NDUFAF2: variants seen among roughly 807,000 people sequenced by gnomAD.
NDUFAF2 encodes the protein NADH dehydrogenase [ubiquinone] 1 alpha subcomplex assembly factor 2.
A neutral mutation model predicts 22.8 loss-of-function variants in NDUFAF2; 13 were observed. That is an observed-to-expected ratio of 0.57 (90% CI 0.37 to 0.91). The LOEUF is 0.91. Ranked by LOEUF, NDUFAF2 falls within the 40% of genes least tolerant of loss-of-function variation. The pLI, the probability that NDUFAF2 is intolerant of heterozygous loss-of-function variation, is 0.01. For synonymous variants in NDUFAF2, 53 were observed against 64.2 expected (o/e 0.83, Z 0.84); for missense variants, 162 against 195.2 (o/e 0.83, Z 1.01).
chr5:61,117,715 T>C (rs536240226), intron 3 of NDUFAF2, among the ~76,000 whole-genome samples: 1 of 152,098 alleles, frequency 6.6e-6, no homozygotes, highest in East Asian at 1.9e-4. Context: ...ACATATACAA[T>C]GATATGGATG....
intron 2 of NDUFAF2, among the ~76,000 whole-genome samples, chr5:61,083,699 T>C (rs1014480466): frequency 2.0e-5 from 3 of 151,640 alleles, no homozygotes; most frequent in African/African-American, 7.2e-5. Context: ...CTATAGATCT[T>C]GCACATGTTT....
At chr5:61,109,276 C>T (rs1752806038) in intron 3 of NDUFAF2, among the ~76,000 whole-genome samples, 1 of 152,082 alleles carries the variant, frequency 6.6e-6, no homozygotes, top group Admixed American at 6.6e-5. Context: ...TATAGAAATG[C>T]TATTGATTTT....
At chr5:61,036,267 T>G (rs534994081) in intron 1 of NDUFAF2, among the ~76,000 whole-genome samples, 30 of 152,348 alleles carry the variant, frequency 2.0e-4, no homozygotes, top group African/African-American at 7.0e-4. Context: ...TATCATAGAC[T>G]GTTAAATTAG....
chr5:61,054,864 G>A (rs1414541721), intron 1 of NDUFAF2, among the ~76,000 whole-genome samples: 1 of 152,134 alleles, frequency 6.6e-6, no homozygotes, highest in East Asian at 1.9e-4. Context: ...GTTTATGACT[G>A]GAGCTCATTG....
intron 1 of NDUFAF2, among the ~76,000 whole-genome samples, chr5:61,053,289 G>A (rs1209327864): frequency 2.0e-5 from 3 of 152,184 alleles, no homozygotes; most frequent in African/African-American, 7.2e-5. Flanking sequence ...GAGTCTGTTT[G>A]TTACTGCAGC....
intron 1 of NDUFAF2, among the ~76,000 whole-genome samples, chr5:60,971,587 T>C (rs1310022723): frequency 6.6e-6 from 1 of 151,858 alleles, no homozygotes; most frequent in African/African-American, 2.4e-5. Context: ...GCGCCCGGCA[T>C]ATCCCCTAAT....
intron 3 of NDUFAF2, among the ~76,000 whole-genome samples, chr5:61,101,181 T>C (rs1390753915): frequency 6.6e-6 from 1 of 152,082 alleles, no homozygotes; most frequent in Non-Finnish European, 1.5e-5. Context: ...AACAAAAAAA[T>C]AGCTTATTTA....
chr5:61,111,540 G>A (rs1370361741), intron 3 of NDUFAF2, among the ~76,000 whole-genome samples: 2 of 151,898 alleles, frequency 1.3e-5, no homozygotes, highest in African/African-American at 4.8e-5. Context: ...AGGCTTAAGC[G>A]ATCCTCCCAC....
At chr5:60,990,514 A>G (rs915232015) in intron 1 of NDUFAF2, among the ~76,000 whole-genome samples, 1 of 152,130 alleles carries the variant, frequency 6.6e-6, no homozygotes, top group Non-Finnish European at 1.5e-5. Flanking sequence ...GTACATTTTT[A>G]AATTATTTTA....
At chr5:60,945,490 GT>G (rs1311175557) in intron 1 of NDUFAF2, 108 bp downstream of exon 1, 15 of 1,484,446 alleles carry the variant, frequency 1.0e-5, no homozygotes, top group Non-Finnish European at 1.2e-5. Context: ...GACACTTAGG[GT>G]GTCACCGGAG....
intron 3 of NDUFAF2, among the ~76,000 whole-genome samples, chr5:61,127,504 G>C (rs2111807530): frequency 6.6e-6 from 1 of 152,102 alleles, no homozygotes; most frequent in Non-Finnish European, 1.5e-5. Flanking sequence ...ACATAATCCA[G>C]CATACAAACA....
intron 3 of NDUFAF2, among the ~76,000 whole-genome samples, chr5:61,146,604 CTT>C (rs1397526910): frequency 6.6e-6 from 1 of 152,052 alleles, no homozygotes; most frequent in Admixed American, 6.5e-5. Flanking sequence ...GTATAAGTGT[CTT>C]TTTTCCTGTG....
intron 1 of NDUFAF2, among the ~76,000 whole-genome samples, chr5:61,037,773 G>T (rs1751817620): frequency 1.3e-5 from 2 of 152,014 alleles, no homozygotes; most frequent in Admixed American, 1.3e-4. Flanking sequence ...TTTGGAAATG[G>T]TTCTATAAAT....
intron 3 of NDUFAF2, among the ~76,000 whole-genome samples, chr5:61,126,105 T>A (rs1329820301): frequency 6.6e-6 from 1 of 152,020 alleles, no homozygotes; most frequent in Non-Finnish European, 1.5e-5. Flanking sequence ...CTTTTTTATT[T>A]AAAAAAATAT....
intron 1 of NDUFAF2, among the ~76,000 whole-genome samples, chr5:61,030,514 A>G (rs927470549): frequency 2.0e-5 from 3 of 152,036 alleles, no homozygotes; most frequent in African/African-American, 7.2e-5. Flanking sequence ...TTTAGTATGG[A>G]CCACTTTTCT....
chr5:61,046,865 C>T (rs1274978219), intron 1 of NDUFAF2, among the ~76,000 whole-genome samples: 1 of 152,130 alleles, frequency 6.6e-6, no homozygotes, highest in African/African-American at 2.4e-5. Context: ...GAGGGACTCC[C>T]CATGCTTGGA....
At chr5:61,106,459 T>C (rs1036702158) in intron 3 of NDUFAF2, among the ~76,000 whole-genome samples, 14 of 151,586 alleles carry the variant, frequency 9.2e-5, no homozygotes, top group African/African-American at 2.9e-4. Context: ...TGAGATATTT[T>C]GATACGTGCA....
At chr5:60,976,454 T>C (rs931531455) in intron 1 of NDUFAF2, among the ~76,000 whole-genome samples, 2 of 152,190 alleles carry the variant, frequency 1.3e-5, no homozygotes, top group South Asian at 4.1e-4. Flanking sequence ...TCCGCACTTA[T>C]GTTGATCCTT....
At chr5:61,084,896 G>T (rs1428562780) in intron 2 of NDUFAF2, among the ~76,000 whole-genome samples, 1 of 152,132 alleles carries the variant, frequency 6.6e-6, no homozygotes, top group Non-Finnish European at 1.5e-5. Context: ...ATATATAGAA[G>T]ATAGCTACAT....
Sources: allele counts gnomAD v4.1 joint callset (sites outside exome capture counted in the v4.1 genomes callset), GRCh38; gene constraint gnomAD v4.1.1; transcripts MANE v1.5; gene names NCBI Gene and HGNC (gene_info 2026-07-23, HGNC 2026-07-21).